The following ANKRD36B variants were observed in gnomAD, a reference collection of about 807,000 sequenced individuals.
ANKRD36B encodes the protein ankyrin repeat domain-containing protein 36B.
ANKRD36B carries 37 observed loss-of-function variants against 135.7 expected under a neutral mutation model. That is an observed-to-expected ratio of 0.27 (90% CI 0.21 to 0.36). The LOEUF is 0.36. Ranked by LOEUF, ANKRD36B falls within the 10% of genes least tolerant of loss-of-function variation. ANKRD36B has a pLI of 1.00. For synonymous variants in ANKRD36B, 179 were observed against 348.1 expected, an observed-to-expected ratio of 0.51 and a Z score of 5.41; for missense variants, 549 against 1,037.1, an observed-to-expected ratio of 0.53 and a Z score of 6.46.
At position 97,516,212 on chromosome 2, in the gene ANKRD36B, A is replaced by AC. The variant is rs959917403; in HGVS notation, c.2408-268_2408-267insG. On this transcript the variant is annotated intron_variant, in intron 36 of 43. Coordinates refer to ENST00000359901, the MANE Select transcript of ANKRD36B (RefSeq NM_001393939.1). ...TCCTGTAAAAAAAAAAAAAAAAAAA[A>AC]AACATAGTTATGTGATTGCATAAGA... is the stretch of plus-strand genomic sequence containing the variant. Among the ~76,000 whole-genome samples the AC allele has an allele frequency of 1.4e-4, 9 of 62,738 alleles. No individual in the cohort carries two copies. In the East Asian group the frequency reaches 2.1e-3, roughly 15 times the overall value. The allele number at this position is 62,738 out of a possible 152,430, so 41.2% of individuals were successfully genotyped here.
At chr2:97,556,164 C>T (rs13009263) in intron 12 of ANKRD36B, among the ~76,000 whole-genome samples, 86,542 of 151,676 alleles carry the variant, frequency 0.57, 26,042 homozygotes, top group Non-Finnish European at 0.67. Flanking sequence ...AAAAAGCATT[C>T]GGAAAATGCT....
chr2:97,537,586 T>C (rs1259133579), intron 32 of ANKRD36B, among the ~76,000 whole-genome samples: 1 of 97,018 alleles, frequency 1.0e-5, no homozygotes, highest in East Asian at 2.3e-4. Context: ...TCAGATCTTC[T>C]GGTATGCAAA....
In ANKRD36B at chr2:97,534,257, C is replaced by T. The variant is rs182865027; in HGVS notation, c.2192-1873G>A. On this transcript the variant is annotated intron_variant, in intron 34 of 43. Transcript: ENST00000359901. ...AATTAGTTCGATTTGATATACCATG[C>T]TAATCTCTAAGGCACTTTCATGGAA... 1.9e-4 allele frequency among the ~76,000 whole-genome samples: 18 copies of T among 94,820 alleles called. 4 individuals are homozygous for T. The highest frequency in any genetic ancestry group is 5.7e-4 in the African/African-American group (18 of 31,770). The allele number at this position is 94,820 out of a possible 152,430, so 62.2% of individuals were successfully genotyped here.
At chr2:97,546,269 C>G (rs1020861430) in intron 22 of ANKRD36B, among the ~76,000 whole-genome samples, 6 of 151,770 alleles carry the variant, frequency 4.0e-5, no homozygotes, top group Admixed American at 1.3e-4. Flanking sequence ...CACCATTATA[C>G]TACAAACATT....
intron 1 of ANKRD36B, among the ~76,000 whole-genome samples, chr2:97,587,635 G>A (rs2083111575): frequency 6.6e-6 from 1 of 152,160 alleles, no homozygotes; most frequent in African/African-American, 2.4e-5. Flanking sequence ...CAAATTGCAT[G>A]TATCTCTATT....
chr2:97,587,308 G>A (rs1380873642), intron 1 of ANKRD36B, among the ~76,000 whole-genome samples: 4 of 152,042 alleles, frequency 2.6e-5, no homozygotes, highest in South Asian at 2.1e-4. Flanking sequence ...TTTTAAACAT[G>A]CTGATCATTT....
chr2:97,587,324 T>A (rs1447939670), intron 1 of ANKRD36B, among the ~76,000 whole-genome samples: 1 of 152,174 alleles, frequency 6.6e-6, no homozygotes, highest in Admixed American at 6.5e-5. Context: ...CATTTATACA[T>A]CACAGATAAG....
chr2:97,582,766 G>T (rs371630283), intron 3 of ANKRD36B, among the ~76,000 whole-genome samples: 2 of 152,036 alleles, frequency 1.3e-5, no homozygotes, highest in East Asian at 3.8e-4. Context: ...TTTAGTTTCA[G>T]ATTTTTTTTC....
intron 13 of ANKRD36B, 44 bp downstream of exon 13, chr2:97,555,182 A>C: frequency 6.2e-7 from 1 of 1,611,202 alleles, no homozygotes; most frequent in Non-Finnish European, 8.5e-7. Context: ...TGTTTCATGG[A>C]CTATACAGTT....
chr2:97,526,902 T>C lies in ANKRD36B; in HGVS notation c.2266-3435A>G, dbSNP rs189731475. 3.1e-5 allele frequency among the ~76,000 whole-genome samples: 3 copies of C among 96,474 alleles called. 1 individual carries two copies. Among genetic ancestry groups the C allele is most frequent in the African/African-American group, 3.1e-5 (1 of 32,156 alleles). 63.3% of individuals were successfully genotyped at this position (96,474 alleles called of 152,430 possible). A position where few individuals can be genotyped will look rare whatever the true frequency, so the allele number is the denominator to read the frequency against. On this transcript the variant is annotated intron_variant, in intron 35 of 43. Coordinates refer to ENST00000359901, the MANE Select transcript of ANKRD36B (RefSeq NM_001393939.1). Reference sequence around the variant, plus strand: ...AAAGTCTCCAAAAAATATGGGACTATGTGAAAAGACCAAATCTACATCTGA... The same window carrying C: ...AAAGTCTCCAAAAAATATGGGACTACGTGAAAAGACCAAATCTACATCTGA...
At chr2:97,563,583 T>A (rs992847182) in intron 6 of ANKRD36B, among the ~76,000 whole-genome samples, 29 of 152,146 alleles carry the variant, frequency 1.9e-4, no homozygotes, top group African/African-American at 6.7e-4. Flanking sequence ...ATCTGAGTAG[T>A]TTAGAGTTTA....
At chr2:97,579,257 G>A (rs552972866) in intron 4 of ANKRD36B, among the ~76,000 whole-genome samples, 13 of 143,252 alleles carry the variant, frequency 9.1e-5, no homozygotes, top group African/African-American at 3.3e-4. Context: ...TCCCACTGTG[G>A]TATGACATAA....
intron 20 of ANKRD36B, among the ~76,000 whole-genome samples, chr2:97,547,986 T>C (rs2079648166): frequency 6.6e-6 from 1 of 151,908 alleles, no homozygotes; most frequent in Admixed American, 6.6e-5. Flanking sequence ...AATAAAACCG[T>C]GTCAATATCA....
At position 97,537,724 on chromosome 2, in the gene ANKRD36B, C is replaced by T. The variant is rs1430806292; in HGVS notation, c.2089+444G>A. On this transcript the variant is annotated intron_variant, in intron 32 of 43. Coordinates refer to ENST00000359901, the MANE Select transcript of ANKRD36B (RefSeq NM_001393939.1). ...CCTCTCTTGATGAAAATAATTACTA[C>T]ATCAGTGGTCACCTTGCTCCTCATT... 9.3e-5 allele frequency among the ~76,000 whole-genome samples: 9 copies of T among 96,484 alleles called. 3 individuals are homozygous for T. The highest frequency in any genetic ancestry group is 8.3e-4 in the Admixed American group (9 of 10,810). 63.3% of individuals were successfully genotyped at this position (96,484 alleles called of 152,430 possible). A position where few individuals can be genotyped will look rare whatever the true frequency, so the allele number is the denominator to read the frequency against.
At chr2:97,542,760 G>A (rs1300282615) in intron 26 of ANKRD36B, among the ~76,000 whole-genome samples, 3 of 107,880 alleles carry the variant, frequency 2.8e-5, no homozygotes, top group South Asian at 2.6e-4. Flanking sequence ...TCATCCACTC[G>A]TGGCAACAAA....
intron 10 of ANKRD36B, among the ~76,000 whole-genome samples, chr2:97,557,638 C>T (rs138517860): frequency 0.06 from 9,157 of 151,728 alleles, 681 homozygotes; most frequent in African/African-American, 0.17. Flanking sequence ...CACAAGTCCT[C>T]GGTGGAAGTG....
chr2:97,547,260 A>C (rs2079554244), intron 22 of ANKRD36B: 1 of 347,240 alleles, frequency 2.9e-6, no homozygotes. Flanking sequence ...GAATTAAAGC[A>C]AAATTATGTT....
At chr2:97,554,597 A>T (rs2080333560) in intron 14 of ANKRD36B, among the ~76,000 whole-genome samples, 1 of 151,676 alleles carries the variant, frequency 6.6e-6, no homozygotes, top group African/African-American at 2.4e-5. Context: ...CTGCCTCACA[A>T]CCCTCTTCCT....
rs1315654496 is a variant in ANKRD36B at position 97,530,496 on chromosome 2, C to T, written c.2265+1815G>A. On this transcript the variant is annotated intron_variant, in intron 35 of 43. Coordinates refer to ENST00000359901, the MANE Select transcript of ANKRD36B (RefSeq NM_001393939.1). ...TTACCATTCAGGACATAGGCATGGG[C>T]AAGGACTTCATGTCTAAAACACCAA... 3.7e-4 allele frequency among the ~76,000 whole-genome samples: 35 copies of T among 95,384 alleles called. 3 individuals carry two copies. Among genetic ancestry groups the T allele is most frequent in the African/African-American group, 1.1e-3 (35 of 31,578 alleles). 62.6% of individuals were successfully genotyped at this position (95,384 alleles called of 152,430 possible).
Sources: allele counts gnomAD v4.1 joint callset (sites outside exome capture counted in the v4.1 genomes callset), GRCh38; gene constraint gnomAD v4.1.1; transcripts MANE v1.5; gene names NCBI Gene and HGNC (gene_info 2026-07-23, HGNC 2026-07-21).